Variants in CNTN4 observed in about 807,000 individuals in gnomAD.
CNTN4 encodes contactin 4.
A neutral mutation model predicts 122.5 loss-of-function variants in CNTN4; 77 were observed. The ratio of observed to expected loss-of-function variants is 0.63; its 90% confidence interval spans 0.52 to 0.76. The LOEUF (loss-of-function observed/expected upper bound fraction) is 0.76. Ranked by LOEUF, CNTN4 falls within the 30% of genes least tolerant of loss-of-function variation. The pLI is 0.00. For missense variants in CNTN4, 1,256 were observed against 1,259.1 expected (o/e 1.00, Z 0.04); for synonymous variants, 512 against 447.0 (o/e 1.15, Z -1.83).
intron 4 of CNTN4, among the ~76,000 whole-genome samples, chr3:2,606,497 T>C (rs748826733): frequency 5.3e-5 from 8 of 152,130 alleles, no homozygotes; most frequent in Non-Finnish European, 1.2e-4. Context: ...GAACTTAAAA[T>C]AAAATAAAAT....
intron 6 of CNTN4, among the ~76,000 whole-genome samples, chr3:2,792,013 C>G (rs547471155): frequency 2.6e-5 from 4 of 152,318 alleles, no homozygotes; most frequent in South Asian, 4.1e-4. Flanking sequence ...ATAGGTGCAG[C>G]AAACCACCGT....
At chr3:2,770,360 A>G (rs2091040145) in intron 6 of CNTN4, among the ~76,000 whole-genome samples, 1 of 152,154 alleles carries the variant, frequency 6.6e-6, no homozygotes, top group Admixed American at 6.5e-5. Context: ...GCTTTGGAGG[A>G]AAATGTTAGA....
At chr3:2,111,174 A>G (rs2032926046) in intron 2 of CNTN4, among the ~76,000 whole-genome samples, 1 of 152,178 alleles carries the variant, frequency 6.6e-6, no homozygotes, top group Non-Finnish European at 1.5e-5. Flanking sequence ...TACCAAAACA[A>G]TTATGGATAC....
At chr3:2,731,426 C>T (rs1242138138) in intron 4 of CNTN4, among the ~76,000 whole-genome samples, 1 of 152,050 alleles carries the variant, frequency 6.6e-6, no homozygotes, top group Non-Finnish European at 1.5e-5. Context: ...ACCTAGTTAC[C>T]AAGGAGAAAC....
chr3:2,763,088 CGTG>C (rs1559476863), intron 6 of CNTN4, among the ~76,000 whole-genome samples: 1 of 151,972 alleles, frequency 6.6e-6, no homozygotes. Flanking sequence ...ACTACAGGCA[CGTG>C]CCACCACGCC....
At chr3:2,364,617 T>C (rs781429162) in intron 3 of CNTN4, among the ~76,000 whole-genome samples, 4 of 152,070 alleles carry the variant, frequency 2.6e-5, no homozygotes, top group African/African-American at 4.8e-5. Flanking sequence ...TAAATAGTTA[T>C]AGTGCAGGCC....
At chr3:2,652,203 C>T (rs959622163) in intron 4 of CNTN4, among the ~76,000 whole-genome samples, 2 of 151,998 alleles carry the variant, frequency 1.3e-5, no homozygotes, top group African/African-American at 4.8e-5. Context: ...GCCTGGGCAA[C>T]AGAGCAAGAC....
At chr3:2,501,371 G>T (rs1559611809) in intron 3 of CNTN4, among the ~76,000 whole-genome samples, 1 of 152,120 alleles carries the variant, frequency 6.6e-6, no homozygotes, top group South Asian at 2.1e-4. Flanking sequence ...TATTGCTGTT[G>T]TAACAAATTA....
intron 2 of CNTN4, among the ~76,000 whole-genome samples, chr3:2,170,641 C>T (rs1011534251): frequency 1.3e-5 from 2 of 151,904 alleles, no homozygotes; most frequent in African/African-American, 2.4e-5. Context: ...CTTAATGAAC[C>T]TAAATTTGAT....
At chr3:2,733,230 T>G (rs2088825944) in intron 4 of CNTN4, among the ~76,000 whole-genome samples, 1 of 152,294 alleles carries the variant, frequency 6.6e-6, no homozygotes. Flanking sequence ...TGATTGATAT[T>G]ATATATACAC....
chr3:2,258,505 A>G (rs187834025), intron 2 of CNTN4, among the ~76,000 whole-genome samples: 2 of 152,288 alleles, frequency 1.3e-5, no homozygotes, highest in Admixed American at 1.3e-4. Context: ...TGGATGAAAT[A>G]TATTAACATT....
At chr3:2,584,260 A>G (rs955227842) in intron 4 of CNTN4, among the ~76,000 whole-genome samples, 1 of 152,176 alleles carries the variant, frequency 6.6e-6, no homozygotes, top group Non-Finnish European at 1.5e-5. Context: ...AGGAATAAAG[A>G]AAAAAGGAAA....
intron 3 of CNTN4, among the ~76,000 whole-genome samples, chr3:2,564,947 A>G (rs2079096209): frequency 6.6e-6 from 1 of 152,090 alleles, no homozygotes; most frequent in Non-Finnish European, 1.5e-5. Flanking sequence ...CCTGGCTTTT[A>G]TTTCAGAGGA....
At chr3:2,529,252 G>A (rs555601861) in intron 3 of CNTN4, among the ~76,000 whole-genome samples, 1 of 152,136 alleles carries the variant, frequency 6.6e-6, no homozygotes, top group South Asian at 2.1e-4. Context: ...AAGTCCTCTG[G>A]AGTCATCCAT....
intron 4 of CNTN4, among the ~76,000 whole-genome samples, chr3:2,576,317 AAG>A (rs1404475150): frequency 6.6e-6 from 1 of 152,148 alleles, no homozygotes; most frequent in Non-Finnish European, 1.5e-5. Context: ...TCATGAGAGA[AAG>A]AGACTAGATC....
At chr3:2,601,389 G>C (rs192384683) in intron 4 of CNTN4, among the ~76,000 whole-genome samples, 184 of 152,272 alleles carry the variant, frequency 1.2e-3, no homozygotes, top group Non-Finnish European at 1.7e-3. Context: ...TAAGGTGTAA[G>C]GAAGGGATCC....
chr3:2,964,237 A>G (rs2125034554), intron 13 of CNTN4, among the ~76,000 whole-genome samples: 1 of 152,274 alleles, frequency 6.6e-6, no homozygotes, highest in African/African-American at 2.4e-5. Context: ...CCTCCACCCA[A>G]AGTAATCGGC....
At position 2,110,463 on chromosome 3, in the gene CNTN4, A is replaced by G. The variant is rs560362352; in HGVS notation, c.-145+9824A>G. ...TCATTGTTTCAACATTCTTTGCCAC[A>G]TTCCTGTGACACTGGGGGATGCAAC... On this transcript the variant is annotated intron_variant, in intron 2 of 24. Transcript: ENST00000418658. 8 of 152,250 alleles carry G rather than the reference A, an allele frequency of 5.3e-5. No homozygotes were observed. In the East Asian group the frequency reaches 1.5e-3, roughly 29 times the overall value. The allele number at this position is 152,250 out of a possible 1,614,324, so 9.4% of individuals were successfully genotyped here. A position where few individuals can be genotyped will look rare whatever the true frequency, so the allele number is the denominator to read the frequency against.
intron 7 of CNTN4, among the ~76,000 whole-genome samples, chr3:2,857,668 C>A (rs11921188): frequency 0.23 from 35,212 of 152,072 alleles, 4,225 homozygotes; most frequent in Middle Eastern, 0.34. Context: ...GCCTTGACCT[C>A]CTGGGCGCAA....
Sources: allele counts gnomAD v4.1 joint callset (sites outside exome capture counted in the v4.1 genomes callset), GRCh38; gene constraint gnomAD v4.1.1; transcripts MANE v1.5; gene names NCBI Gene and HGNC (gene_info 2026-07-23, HGNC 2026-07-21).